Variants in TBC1D22A observed in about 807,000 individuals in gnomAD.
TBC1D22A encodes the protein putative GTPase activator.
In TBC1D22A, 38 loss-of-function variants were observed where a neutral mutation model predicts 60.2. The observed-to-expected ratio is 0.63, with a 90% confidence interval of 0.49 to 0.83. The LOEUF is 0.83. Ranked by LOEUF, TBC1D22A falls within the 40% of genes least tolerant of loss-of-function variation. TBC1D22A has a pLI of 0.00. For missense variants in TBC1D22A, 628 were observed against 701.0 expected (o/e 0.90, Z 1.18); for synonymous variants, 302 against 281.7 (o/e 1.07, Z -0.72).
At chr22:47,030,753 G>T (rs2062443890) in intron 10 of TBC1D22A, among the ~76,000 whole-genome samples, 1 of 152,226 alleles carries the variant, frequency 6.6e-6, no homozygotes, top group Admixed American at 6.5e-5. Context: ...AAGAGCATCT[G>T]CTCGCAATTA....
intron 8 of TBC1D22A, among the ~76,000 whole-genome samples, chr22:46,923,116 G>A (rs2070850604): frequency 6.6e-6 from 1 of 152,178 alleles, no homozygotes; most frequent in South Asian, 2.1e-4. Flanking sequence ...ACAGAGTAAT[G>A]TAAAAACATA....
chr22:47,094,900 T>C (rs2065110905), intron 11 of TBC1D22A, among the ~76,000 whole-genome samples: 2 of 151,514 alleles, frequency 1.3e-5, no homozygotes, highest in Non-Finnish European at 2.9e-5. Context: ...CTTTAACCAG[T>C]TGGAATGTTC....
intron 4 of TBC1D22A, among the ~76,000 whole-genome samples, chr22:46,865,272 G>A (rs969161611): frequency 6.6e-6 from 1 of 152,160 alleles, no homozygotes; most frequent in African/African-American, 2.4e-5. Flanking sequence ...TTGCAGTGAC[G>A]GGCAGATGTT....
intron 4 of TBC1D22A, among the ~76,000 whole-genome samples, chr22:46,831,064 G>A (rs1344594690): frequency 6.6e-6 from 1 of 152,206 alleles, no homozygotes; most frequent in Non-Finnish European, 1.5e-5. Flanking sequence ...GAGAGGAAGA[G>A]CAGATTGGGC....
At chr22:47,002,928 C>T (rs2061446554) in intron 10 of TBC1D22A, among the ~76,000 whole-genome samples, 1 of 152,158 alleles carries the variant, frequency 6.6e-6, no homozygotes, top group Non-Finnish European at 1.5e-5. Flanking sequence ...GCAACAGCAT[C>T]GAAGCTGTCG....
intron 10 of TBC1D22A, among the ~76,000 whole-genome samples, chr22:47,023,942 A>G (rs1305913047): frequency 6.6e-6 from 1 of 152,256 alleles, no homozygotes; most frequent in Non-Finnish European, 1.5e-5. Flanking sequence ...ATGCATTGAA[A>G]CACGTTTTCT....
chr22:46,839,241 T>C (rs2086647275), intron 4 of TBC1D22A, among the ~76,000 whole-genome samples: 2 of 142,878 alleles, frequency 1.4e-5, no homozygotes, highest in African/African-American at 5.1e-5. Context: ...CCATTTACAA[T>C]AGAATCAAAA....
chr22:46,819,024 ACT>A (rs748949130), intron 4 of TBC1D22A, among the ~76,000 whole-genome samples: 3 of 151,828 alleles, frequency 2.0e-5, no homozygotes, highest in Non-Finnish European at 4.4e-5. Flanking sequence ...TCATGATTTG[ACT>A]CTCTGCTTGC....
chr22:46,802,615 G>A (rs933543583), intron 4 of TBC1D22A, among the ~76,000 whole-genome samples: 1 of 152,176 alleles, frequency 6.6e-6, no homozygotes, highest in African/African-American at 2.4e-5. Flanking sequence ...CTTTTACTTC[G>A]AGCACAGCAT....
chr22:46,921,211 G>C (rs1277854355), intron 8 of TBC1D22A, among the ~76,000 whole-genome samples: 3 of 152,186 alleles, frequency 2.0e-5, no homozygotes, highest in Non-Finnish European at 2.9e-5. Flanking sequence ...GTACCCGAGA[G>C]GTAGTTTCTC....
At chr22:47,029,925 C>T (rs1411892027) in intron 10 of TBC1D22A, among the ~76,000 whole-genome samples, 1 of 149,990 alleles carries the variant, frequency 6.7e-6, no homozygotes, top group African/African-American at 2.5e-5. Flanking sequence ...CCCTTCCCAC[C>T]CTCTGCCCAC....
intron 4 of TBC1D22A, among the ~76,000 whole-genome samples, chr22:46,813,366 T>C (rs2085463361): frequency 6.6e-6 from 1 of 152,228 alleles, no homozygotes. Context: ...GTATGCGGCA[T>C]TTAATTTACA....
intron 10 of TBC1D22A, among the ~76,000 whole-genome samples, chr22:47,030,404 T>C (rs184045871): frequency 1.4e-4 from 21 of 152,348 alleles, no homozygotes; most frequent in Admixed American, 7.2e-4. Flanking sequence ...GGACACAATG[T>C]GCTTGCATAA....
At chr22:46,963,180 G>A (rs1307427234) in intron 8 of TBC1D22A, among the ~76,000 whole-genome samples, 2 of 147,676 alleles carry the variant, frequency 1.4e-5, no homozygotes, top group East Asian at 2.0e-4. Context: ...AAGAAGGAGC[G>A]CCACCGCACT....
chr22:46,768,355 G>C (rs190657648), intron 1 of TBC1D22A, among the ~76,000 whole-genome samples: 1 of 151,822 alleles, frequency 6.6e-6, no homozygotes, highest in Non-Finnish European at 1.5e-5. Flanking sequence ...CGTGGTGGCA[G>C]GCGCCTGTAA....
intron 10 of TBC1D22A, among the ~76,000 whole-genome samples, chr22:47,006,600 A>T (rs2061599606): frequency 6.6e-6 from 1 of 152,120 alleles, no homozygotes; most frequent in Non-Finnish European, 1.5e-5. Context: ...GGCCCCGTTG[A>T]TCTGACCCTG....
intron 4 of TBC1D22A, among the ~76,000 whole-genome samples, chr22:46,805,491 G>C (rs1283315766): frequency 6.6e-6 from 1 of 152,228 alleles, no homozygotes; most frequent in Non-Finnish European, 1.5e-5. Context: ...TAAGCTCCAA[G>C]TCACTTGACC....
intron 4 of TBC1D22A, among the ~76,000 whole-genome samples, chr22:46,803,620 G>A (rs1330957346): frequency 6.6e-6 from 1 of 152,216 alleles, no homozygotes; most frequent in Non-Finnish European, 1.5e-5. Flanking sequence ...GCTTACACTT[G>A]CGCGTGTCTG....
At chr22:46,958,227 C>A (rs1325476354) in intron 8 of TBC1D22A, among the ~76,000 whole-genome samples, 1 of 152,170 alleles carries the variant, frequency 6.6e-6, no homozygotes, top group Non-Finnish European at 1.5e-5. Flanking sequence ...TTCGTAGAAC[C>A]AGGGAGGTTT....
Sources: gnomAD v4.1 joint callset for allele counts (sites outside exome capture counted in the v4.1 genomes callset) on GRCh38, gnomAD v4.1.1 for gene constraint, MANE v1.5 for transcripts, NCBI Gene and HGNC (gene_info 2026-07-23, HGNC 2026-07-21) for gene names.